Variants in ASH2L observed in about 807,000 individuals in gnomAD.
ASH2L encodes set1/Ash2 histone methyltransferase complex subunit ASH2.
ASH2L carries 30 observed loss-of-function variants against 81.1 expected under a neutral mutation model. The observed-to-expected ratio is 0.37, with a 90% CI of 0.28 to 0.50. The LOEUF is 0.50. ASH2L is among the 20% of genes least tolerant of loss of function. ASH2L has a pLI of 0.95. For synonymous variants in ASH2L, 273 were observed against 279.9 expected (o/e 0.98, Z 0.24); for missense variants, 559 against 792.1 (o/e 0.71, Z 3.53).
rs147562359 is a variant in ASH2L at position 38,112,378 on chromosome 8, A to G, written c.585+1545A>G. ...TGCTTAGGCAGTTGTTTGGCATGAT[A>G]TTCCTCAATTTGCATTTGACTTTCT... On this transcript the variant is annotated intron_variant, in intron 5 of 15. Coordinates refer to ENST00000343823, the MANE Select transcript of ASH2L (RefSeq NM_004674.5). Among the ~76,000 whole-genome samples the G allele has an allele frequency of 7.7e-4, 117 of 152,032 alleles. 3 individuals carry two copies. The East Asian group carries it at 0.021, about 27-fold the overall frequency.
At chr8:38,107,279 C>G in intron 3 of ASH2L, 113 bp downstream of exon 3, 2 of 1,330,002 alleles carry the variant, frequency 1.5e-6, no homozygotes, top group Non-Finnish European at 2.1e-6. Flanking sequence ...GTCTCCTAAC[C>G]CCTATTCAGC....
intron 12 of ASH2L, among the ~76,000 whole-genome samples, chr8:38,130,288 G>GTTTTTTTTT (rs562730116): frequency 1.1e-3 from 57 of 53,686 alleles, no homozygotes; most frequent in East Asian, 1.6e-3. Context: ...GGTATTTTTT[G>GTTTTTTTTT]TTTTTTTTTT....
At chr8:38,132,785 T>G (rs1412846519) in intron 12 of ASH2L, among the ~76,000 whole-genome samples, 3 of 131,846 alleles carry the variant, frequency 2.3e-5, no homozygotes, top group Non-Finnish European at 3.2e-5. Context: ...GGTGACAGAG[T>G]GAGACTGTCT....
chr8:38,113,362 C>A (rs1038895843), intron 5 of ASH2L, among the ~76,000 whole-genome samples: 1 of 152,154 alleles, frequency 6.6e-6, no homozygotes, highest in Admixed American at 6.5e-5. Context: ...TTTGATACTC[C>A]CCCATCCGTT....
At chr8:38,107,917 TATATAC>T (rs1810519054) in intron 3 of ASH2L, among the ~76,000 whole-genome samples, 1 of 151,500 alleles carries the variant, frequency 6.6e-6, no homozygotes. Flanking sequence ...TATGTATATA[TATATAC>T]ATATATATAT....
At chr8:38,127,381 A>G (rs1376767055) in intron 10 of ASH2L, among the ~76,000 whole-genome samples, 1 of 152,088 alleles carries the variant, frequency 6.6e-6, no homozygotes, top group Non-Finnish European at 1.5e-5. Context: ...TTAAGTTCCA[A>G]ACTCATCACC....
intron 8 of ASH2L, 31 bp from the exon 9 acceptor site, chr8:38,119,239 T>A (rs1452925809): frequency 1.3e-6 from 2 of 1,541,632 alleles, no homozygotes; most frequent in Non-Finnish European, 1.8e-6. Flanking sequence ...CCCTTGTGGC[T>A]CATTGAAAGC....
intron 10 of ASH2L, 104 bp downstream of exon 10, chr8:38,121,253 G>T: frequency 1.0e-6 from 1 of 959,598 alleles, no homozygotes. Flanking sequence ...TGTTGCCACT[G>T]CCTCACCCCC....
At chr8:38,105,518 A>G (rs1263049983), upstream of ASH2L, 6 of 1,518,546 alleles carry the variant, frequency 4.0e-6, no homozygotes, top group South Asian at 4.9e-5. Flanking sequence ...GAGAGAAGAG[A>G]GTATTCTCGC....
At chr8:38,114,073 A>T (rs781074132) in intron 5 of ASH2L, 119 bp from the exon 6 acceptor site, 35 of 632,918 alleles carry the variant, frequency 5.5e-5, no homozygotes, top group Non-Finnish European at 8.9e-5. Context: ...CGTGGGGGGA[A>T]AAACTAACAT....
Position 38,105,689 on chromosome 8 carries a change from A to C in ASH2L, c.139A>C (p.Ile47Leu). The C allele has an allele frequency of 2.5e-6, 4 of 1,580,428 alleles. No individual in the cohort carries two copies. The highest frequency in any genetic ancestry group is 3.4e-6 in the Non-Finnish European group (4 of 1,164,816). ...AGAAAPPGEG[I>L]SAAPTVEPSS... ...AGCAGCCGCTCCTCCTGGAGAGGGG[A>C]TCTCTGCTGCTCCGACAGTTGAGCC... is the stretch of plus-strand genomic sequence containing the variant. Residue 47 changes from isoleucine to leucine, a missense_variant, in exon 1 of 16, where the codon ATC becomes CTC. By Grantham distance (5) the Ile-to-Leu change is conservative. Coordinates refer to ENST00000343823, the MANE Select transcript of ASH2L (RefSeq NM_004674.5).
chr8:38,106,135 C>A lies in ASH2L; in HGVS notation c.189-243C>A, dbSNP rs1474754636. ...GAACCTCTCCCAGGACCAACTCTAA[C>A]CCAGGTAGATTTGACTGTAAAGGCC... On this transcript the variant is annotated intron_variant, in intron 1 of 15. Coordinates refer to ENST00000343823, the MANE Select transcript of ASH2L (RefSeq NM_004674.5). The A allele has an allele frequency of 2.0e-6, 3 of 1,529,448 alleles. No individual in the cohort carries two copies. In the African/African-American group the frequency reaches 4.1e-5, roughly 21 times the overall value. 94.7% of individuals were successfully genotyped at this position (1,529,448 alleles called of 1,614,324 possible). A position where few individuals can be genotyped will look rare whatever the true frequency, so the allele number is the denominator to read the frequency against.
At chr8:38,134,720 G>A (rs1417144850) in intron 13 of ASH2L, among the ~76,000 whole-genome samples, 1 of 151,352 alleles carries the variant, frequency 6.6e-6, no homozygotes, top group African/African-American at 2.4e-5. Context: ...AGGAGATGGA[G>A]GTGAAATAAA....
intron 12 of ASH2L, among the ~76,000 whole-genome samples, chr8:38,131,243 A>T (rs1425463227): frequency 2.0e-5 from 3 of 152,136 alleles, no homozygotes; most frequent in African/African-American, 7.2e-5. Context: ...TTAAATGTAT[A>T]CCACACTGAT....
chr8:38,106,776 G>A (rs374127929), intron 2 of ASH2L, among the ~76,000 whole-genome samples: 100 of 151,952 alleles, frequency 6.6e-4, no homozygotes, highest in African/African-American at 2.2e-3. Context: ...CTCCCAGAGT[G>A]TTGGGATTAC....
intron 14 of ASH2L, chr8:38,138,451 A>G (rs1189286212): frequency 4.9e-6 from 1 of 203,826 alleles, no homozygotes; most frequent in African/African-American, 2.4e-5. Flanking sequence ...AACATAAAGT[A>G]GCTGCCTGTG....
At chr8:38,126,580 C>T (rs940885928) in intron 10 of ASH2L, among the ~76,000 whole-genome samples, 4 of 152,092 alleles carry the variant, frequency 2.6e-5, no homozygotes, top group Non-Finnish European at 4.4e-5. Flanking sequence ...GTTGGCCGGG[C>T]GCGGTGGCTC....
At chr8:38,106,829 G>C (rs1042519085) in intron 2 of ASH2L, among the ~76,000 whole-genome samples, 192 bp from the exon 3 acceptor site, 2 of 144,336 alleles carry the variant, frequency 1.4e-5, no homozygotes, top group African/African-American at 5.0e-5. Flanking sequence ...ACATTTTTAA[G>C]CGAATCAAAA....
chr8:38,119,841 G>A (rs1368308679), intron 9 of ASH2L, among the ~76,000 whole-genome samples: 4 of 149,750 alleles, frequency 2.7e-5, no homozygotes, highest in Non-Finnish European at 4.5e-5. Flanking sequence ...ACCCCAGGCC[G>A]GGCACGGTGG....
Sources: gnomAD v4.1 joint callset for allele counts (sites outside exome capture counted in the v4.1 genomes callset) on GRCh38, gnomAD v4.1.1 for gene constraint, MANE v1.5 for transcripts, NCBI Gene and HGNC (gene_info 2026-07-23, HGNC 2026-07-21) for gene names.